CFAP54: variants seen among roughly 807,000 people sequenced by gnomAD.
The protein encoded by CFAP54 is cilia- and flagella-associated protein 54.
A neutral mutation model predicts 370.4 loss-of-function variants in CFAP54; 290 were observed. The ratio of observed to expected loss-of-function variants is 0.78; its 90% CI spans 0.71 to 0.86. The LOEUF is 0.86. CFAP54 is among the 40% of genes least tolerant of loss of function. CFAP54 has a pLI of 0.00. For synonymous variants in CFAP54, 1,206 were observed against 1,236.5 expected, an observed-to-expected ratio of 0.98 and a Z score of 0.52; for missense variants, 3,399 against 3,528.7, an observed-to-expected ratio of 0.96 and a Z score of 0.93.
intron 66 of CFAP54, among the ~76,000 whole-genome samples, chr12:96,839,416 G>T (rs1377525174): frequency 6.6e-6 from 1 of 152,148 alleles, no homozygotes; most frequent in Non-Finnish European, 1.5e-5. Context: ...CTAAGGAGGG[G>T]CTGTAGCAGA....
chr12:96,615,476 C>G (rs1232183387), intron 26 of CFAP54, among the ~76,000 whole-genome samples: 1 of 152,070 alleles, frequency 6.6e-6, no homozygotes, highest in African/African-American at 2.4e-5. Context: ...TCTAAAACAC[C>G]AATAGCAATG....
intron 42 of CFAP54, among the ~76,000 whole-genome samples, chr12:96,687,311 G>GCAT (rs1957340379): frequency 6.6e-6 from 1 of 152,154 alleles, no homozygotes; most frequent in Admixed American, 6.5e-5. Flanking sequence ...GGAGATTAGG[G>GCAT]CATGAATATC....
intron 57 of CFAP54, 69 bp from the exon 58 acceptor site, chr12:96,757,426 G>T: frequency 4.8e-6 from 4 of 837,602 alleles, no homozygotes; most frequent in Non-Finnish European, 5.4e-6. Flanking sequence ...CTCAGAAATT[G>T]TTGGCAAATG....
rs572664611 is a variant in CFAP54, at chr12:96,521,556, G to A, written c.943-301G>A. On this transcript the variant is annotated intron_variant, in intron 6 of 67. Coordinates refer to ENST00000524981, the MANE Select transcript of CFAP54 (RefSeq NM_001306084.2). The stretch of plus-strand genomic sequence containing the variant: ...TGTGTGTGTGTGTGTGTGCGCGTGC[G>A]CACATGAGGACGTGCGGTGCCAAAT... Among the ~76,000 whole-genome samples the A allele has an allele frequency of 1.7e-4, 26 of 151,530 alleles. 1 individual carries two copies. The South Asian group carries it at 4.2e-3, about 24-fold the overall frequency.
At chr12:96,813,956 G>T (rs2136730438) in intron 64 of CFAP54, among the ~76,000 whole-genome samples, 1 of 152,322 alleles carries the variant, frequency 6.6e-6, no homozygotes, top group South Asian at 2.1e-4. Flanking sequence ...CAAGATGTAG[G>T]CAGGTGCAGT....
Position 96,554,296 on chromosome 12 carries a change from C to T in CFAP54, c.2269C>T (p.His757Tyr). Residue 757 changes from histidine (H) to tyrosine (Y), a missense_variant, in exon 16 of 68, where the codon CAC becomes TAC. Transcript: ENST00000524981. ...GCCAAATGGATCATCAGTAATTGAC[C>T]ACTGCTATGCCAAGGTAAGAATGGA... The part of the protein sequence containing the change: ...SLPNGSSVID[H>Y]CYAKRTHHID... The T allele has an allele frequency of 6.6e-7, 1 of 1,516,734 alleles. No individual in the cohort carries two copies. Among genetic ancestry groups the T allele is most frequent in the Non-Finnish European group, 8.8e-7 (1 of 1,139,858 alleles). 94.0% of individuals were successfully genotyped at this position (1,516,734 alleles called of 1,614,324 possible).
chr12:96,711,636 C>T (rs1463982171), intron 48 of CFAP54, among the ~76,000 whole-genome samples: 3 of 152,166 alleles, frequency 2.0e-5, no homozygotes, highest in Admixed American at 2.0e-4. Context: ...CAGTACTGTT[C>T]TCACCACATT....
intron 66 of CFAP54, among the ~76,000 whole-genome samples, chr12:96,852,837 C>A (rs372698713): frequency 6.6e-6 from 1 of 152,100 alleles, no homozygotes; most frequent in African/African-American, 2.4e-5. Flanking sequence ...AAGACCTGTA[C>A]TTCAACAGAG....
intron 66 of CFAP54, among the ~76,000 whole-genome samples, chr12:96,858,408 CAT>C (rs1959774889): frequency 6.6e-6 from 1 of 152,106 alleles, no homozygotes; most frequent in South Asian, 2.1e-4. Context: ...TCATCAGATG[CAT>C]AGTTTGTAAA....
chr12:96,597,904 C>T (rs759986072), intron 25 of CFAP54, among the ~76,000 whole-genome samples: 25 of 151,722 alleles, frequency 1.6e-4, no homozygotes, highest in Non-Finnish European at 2.9e-4. Flanking sequence ...GATATGGTAG[C>T]ATGGGAGAGG....
At chr12:96,549,152 C>A (rs1026428071) in intron 15 of CFAP54, among the ~76,000 whole-genome samples, 4 of 152,180 alleles carry the variant, frequency 2.6e-5, no homozygotes, top group African/African-American at 9.7e-5. Context: ...CTGTGCCTGG[C>A]CTCTCTGGTA....
At chr12:96,849,966 C>T (rs138508160) in intron 66 of CFAP54, among the ~76,000 whole-genome samples, 117 of 152,216 alleles carry the variant, frequency 7.7e-4, no homozygotes, top group Middle Eastern at 3.4e-3. Flanking sequence ...TACCCTTTCC[C>T]GGGCAATTTG....
chr12:96,598,171 G>C (rs947367799), intron 25 of CFAP54, among the ~76,000 whole-genome samples: 4 of 151,932 alleles, frequency 2.6e-5, no homozygotes, highest in Non-Finnish European at 1.5e-5. Context: ...TAGGAAGTAA[G>C]TACCAATATT....
At chr12:96,637,454 A>C (rs560135672) in intron 32 of CFAP54, among the ~76,000 whole-genome samples, 1 of 152,110 alleles carries the variant, frequency 6.6e-6, no homozygotes, top group Non-Finnish European at 1.5e-5. Flanking sequence ...CTAACTTTCA[A>C]AGTAGAATGC....
At chr12:96,797,920 A>G (rs868434145) in intron 63 of CFAP54, among the ~76,000 whole-genome samples, 1 of 151,724 alleles carries the variant, frequency 6.6e-6, no homozygotes, top group Non-Finnish European at 1.5e-5. Flanking sequence ...CTCTCCTTTA[A>G]TATCTACTTT....
At position 96,521,971 on chromosome 12, in the gene CFAP54, G is replaced by T. The variant is rs1381576285; in HGVS notation, c.1056+1G>T. 2.0e-6 allele frequency: 3 copies of T among 1,531,468 alleles called. No homozygotes were observed. The highest frequency in any genetic ancestry group is 2.6e-6 in the Non-Finnish European group (3 of 1,143,492). 94.9% of individuals were successfully genotyped at this position (1,531,468 alleles called of 1,614,324 possible). On this transcript the variant is annotated splice_donor_variant, in intron 7 of 67. Transcript: ENST00000524981. LOFTEE classifies it high-confidence loss of function. ...ATATTTTCGAGAGGCCACAATGAAG[G>T]TATAAAAATTTCATGAAATAAAAGA...
chr12:96,695,862 A>T (rs1290726815), intron 45 of CFAP54, among the ~76,000 whole-genome samples: 1 of 152,192 alleles, frequency 6.6e-6, no homozygotes, highest in African/African-American at 2.4e-5. Flanking sequence ...CCATGTTAGT[A>T]ACTCCAGTCA....
At chr12:96,698,170 C>A (rs188137724) in intron 45 of CFAP54, among the ~76,000 whole-genome samples, 22 of 152,274 alleles carry the variant, frequency 1.4e-4, no homozygotes, top group African/African-American at 3.8e-4. Flanking sequence ...TGGAACATAA[C>A]CTCCAAGAGG....
chr12:96,803,298 G>A (rs1376981642), intron 63 of CFAP54, among the ~76,000 whole-genome samples: 1 of 152,122 alleles, frequency 6.6e-6, no homozygotes, highest in Non-Finnish European at 1.5e-5. Flanking sequence ...CACGAACAGT[G>A]TAAAAGTGTT....
Sources: allele counts gnomAD v4.1 joint callset (sites outside exome capture counted in the v4.1 genomes callset), GRCh38; gene constraint gnomAD v4.1.1; transcripts MANE v1.5; gene names NCBI Gene and HGNC (gene_info 2026-07-23, HGNC 2026-07-21).